PCDHGB7: variants seen among roughly 807,000 people sequenced by gnomAD.
PCDHGB7 encodes protocadherin gamma-B7.
In PCDHGB7, 37 loss-of-function variants were observed where a neutral mutation model predicts 61.4. That is an observed-to-expected ratio of 0.60 (90% CI 0.46 to 0.79). PCDHGB7 has a LOEUF of 0.79. Among genes scored for constraint, PCDHGB7 ranks in the 30% least tolerant of loss-of-function variants. The probability of loss-of-function intolerance (pLI) is 0.00; values close to 1 mark genes in which losing one functional copy is unlikely to be tolerated. For missense variants in PCDHGB7, 1,166 were observed against 1,202.5 expected (o/e 0.97, Z 0.45); for synonymous variants, 464 against 503.5 (o/e 0.92, Z 1.05).
In PCDHGB7 at chr5:141,511,161, G is replaced by A; in HGVS notation, c.2778G>A (p.Lys926=). 1 of 1,614,176 alleles carries A rather than the reference G, an allele frequency of 6.2e-7. No individual in the cohort carries two copies. The highest frequency in any genetic ancestry group is 8.5e-7 in the Non-Finnish European group (1 of 1,180,010). ...GNGNKKKSGK[K]EKK ...GCAACAAGAAGAAGTCGGGCAAGAA[G>A]GAGAAGAAGTAACATGGAGGCCAGG... Residue 926 remains lysine, a synonymous_variant, in exon 4 of 4, where the codon AAG becomes AAA. Transcript: ENST00000398594.
At position 141,490,646 on chromosome 5, in the gene PCDHGB7, C is replaced by G. The variant is rs202183643; in HGVS notation, c.2416-4161C>G. The G allele has an allele frequency of 8.7e-6, 14 of 1,614,068 alleles. No homozygotes were observed. In the African/African-American group the frequency reaches 1.7e-4, roughly 20 times the overall value. ...GCTTACATCCTAGAAAACCGGCCTC[C>G]GGGCTCCCTTCTTTGCACTGTGGCT... On this transcript the variant is annotated intron_variant, in intron 1 of 3. Coordinates refer to ENST00000398594, the MANE Select transcript of PCDHGB7 (RefSeq NM_018927.4). This position sits in a 1 kb window ranked among gnomAD's most constrained non-coding sequence, Gnocchi z 5.4.
At position 141,467,151 on chromosome 5, in the gene PCDHGB7, C is replaced by T. The variant is rs527879624; in HGVS notation, c.2416-27656C>T. ...CACTGCAACCTCTGCCTCCCAGGTT[C>T]AAGTGATTCTCATCTCTCAGCCTCC... is the stretch of plus-strand genomic sequence containing the variant. On this transcript the variant is annotated intron_variant, in intron 1 of 3. Transcript: ENST00000398594. Among the ~76,000 whole-genome samples the T allele has an allele frequency of 4.0e-5, 6 of 151,660 alleles. No homozygotes were observed. In the East Asian group the frequency reaches 7.8e-4, roughly 20 times the overall value.
intron 1 of PCDHGB7, among the ~76,000 whole-genome samples, chr5:141,443,690 A>C (rs2098399415): frequency 6.6e-6 from 1 of 152,224 alleles, no homozygotes; most frequent in Non-Finnish European, 1.5e-5. Flanking sequence ...AACACTTCAA[A>C]AATTATAGAA....
At chr5:141,510,589 A>G (rs1043188276) in intron 3 of PCDHGB7, among the ~76,000 whole-genome samples, 2 of 152,194 alleles carry the variant, frequency 1.3e-5, no homozygotes, top group African/African-American at 2.4e-5. Context: ...CGTACCTGAC[A>G]TACATTTTCT....
rs561824381 is a variant in PCDHGB7 at position 141,449,084 on chromosome 5, C to T, written c.2415+28810C>T. Among the ~76,000 whole-genome samples, 8 of 152,250 alleles carry T rather than the reference C, an allele frequency of 5.3e-5. No individual in the cohort carries two copies. In the East Asian group the frequency reaches 1.4e-3, roughly 26 times the overall value. The stretch of plus-strand genomic sequence containing the variant: ...CTATTGAATAGCCCTGTACCTACAT[C>T]AGTTTTTACATATGCAGTATATCTT... On this transcript the variant is annotated intron_variant, in intron 1 of 3. Transcript: ENST00000398594.
Position 141,441,798 on chromosome 5 carries a change from CGGGT to C in PCDHGB7, c.2415+21526_2415+21529del, listed in dbSNP as rs1242635625. 6.4e-4 allele frequency: 248 copies of C among 387,326 alleles called. 2 individuals are homozygous for C. The highest frequency in any genetic ancestry group is 4.8e-3 in the African/African-American group (220 of 46,120). 24.0% of individuals were successfully genotyped at this position (387,326 alleles called of 1,614,324 possible). A position where few individuals can be genotyped will look rare whatever the true frequency, so the allele number is the denominator to read the frequency against. ...GGACGACCTGAATGACAACGCACCG[CGGGT>C]GCTGTACCCCAGCTCTGGAGCGCAA... On this transcript the variant is annotated intron_variant, in intron 1 of 3. Transcript: ENST00000398594.
chr5:141,495,465 G>A (rs563411010), intron 2 of PCDHGB7, among the ~76,000 whole-genome samples: 3 of 152,182 alleles, frequency 2.0e-5, no homozygotes, highest in Non-Finnish European at 2.9e-5. Context: ...TGTCTGTGGG[G>A]TCTCCGTGTC....
chr5:141,476,864 C>T lies in PCDHGB7; in HGVS notation c.2416-17943C>T, dbSNP rs1318457627. ...GCCTGTCTTCAACCAGTCCTTGTAC[C>T]GGGCGCGCGTCCTGGAGGATGCACC... is the stretch of plus-strand genomic sequence containing the variant. On this transcript the variant is annotated intron_variant, in intron 1 of 3. Coordinates refer to ENST00000398594, the MANE Select transcript of PCDHGB7 (RefSeq NM_018927.4). This position sits in a 1 kb window ranked among gnomAD's most constrained non-coding sequence, Gnocchi z 7.6. 4.3e-6 allele frequency: 7 copies of T among 1,613,838 alleles called. No homozygotes were observed. Among genetic ancestry groups the T allele is most frequent in the Non-Finnish European group, 5.9e-6 (7 of 1,180,044 alleles).
At position 141,511,916 on chromosome 5, in the gene PCDHGB7, C is replaced by T. The variant is rs2099884006; in HGVS notation, c.*743C>T. ...CCACCTCCTCCTCAAACAAGAGACT[C>T]CACTGCATGTTCCAAGACAGTATGG... On this transcript the variant is annotated 3_prime_UTR_variant, in exon 4 of 4. Coordinates refer to ENST00000398594, the MANE Select transcript of PCDHGB7 (RefSeq NM_018927.4). The T allele has an allele frequency of 6.4e-6, 1 of 156,466 alleles. No individual in the cohort carries two copies. The highest frequency in any genetic ancestry group is 2.4e-5 in the African/African-American group (1 of 41,474). The allele number at this position is 156,466 out of a possible 1,614,324, so 9.7% of individuals were successfully genotyped here.
At chr5:141,464,408 T>C (rs2154568477) in intron 1 of PCDHGB7, among the ~76,000 whole-genome samples, 1 of 151,718 alleles carries the variant, frequency 6.6e-6, no homozygotes, top group African/African-American at 2.4e-5. Flanking sequence ...CTGAGATATA[T>C]ATATATCTAT....
chr5:141,509,699 C>T (rs779592471), intron 3 of PCDHGB7, among the ~76,000 whole-genome samples: 4 of 152,168 alleles, frequency 2.6e-5, no homozygotes, highest in Non-Finnish European at 5.9e-5. Flanking sequence ...GGACGTTGGA[C>T]TGGAGGTGCT....
At chr5:141,504,502 G>A (rs2099838821) in intron 2 of PCDHGB7, among the ~76,000 whole-genome samples, 1 of 152,128 alleles carries the variant, frequency 6.6e-6, no homozygotes, top group Non-Finnish European at 1.5e-5. Context: ...CCCAGTCTGA[G>A]TGGATCTCCT....
Position 141,489,902 on chromosome 5 carries a change from C to A in PCDHGB7, c.2416-4905C>A. ...ACTGCTGTGGATGGGGGGACCCCAGCCCGCTCAGGGACCACCCTTATCTCT... is the reference window on the plus strand; with the variant it reads ...ACTGCTGTGGATGGGGGGACCCCAGACCGCTCAGGGACCACCCTTATCTCT... On this transcript the variant is annotated intron_variant, in intron 1 of 3. Transcript: ENST00000398594. The surrounding 1 kb of genome is among the most constrained non-coding windows in gnomAD (Gnocchi z 4.5). 1 of 1,614,218 alleles carries A rather than the reference C, an allele frequency of 6.2e-7. No individual in the cohort carries two copies. The highest frequency in any genetic ancestry group is 8.5e-7 in the Non-Finnish European group (1 of 1,180,032).
intron 1 of PCDHGB7, chr5:141,478,305 C>T (rs775282798): frequency 2.5e-6 from 4 of 1,614,092 alleles, no homozygotes; most frequent in East Asian, 2.2e-5. Flanking sequence ...TACCGAGCCC[C>T]GGTGAGCTCA....
In PCDHGB7 at chr5:141,462,383, G is replaced by A. The variant is rs78537075; in HGVS notation, c.2416-32424G>A. Among the ~76,000 whole-genome samples the A allele has an allele frequency of 5.6e-4, 85 of 151,920 alleles. 1 individual carries two copies. In the East Asian group the frequency reaches 0.016, roughly 29 times the overall value. ...GTATAGTTTCTATTCTTTTAAATTC[G>A]TTAACATTTCTTTTATGGCACAGAA... On this transcript the variant is annotated intron_variant, in intron 1 of 3. Transcript: ENST00000398594.
intron 1 of PCDHGB7, among the ~76,000 whole-genome samples, chr5:141,438,296 A>G (rs902991313): frequency 6.6e-6 from 1 of 152,034 alleles, no homozygotes; most frequent in Non-Finnish European, 1.5e-5. Context: ...CTGTATGTAA[A>G]AGAAGTTGGT....
intron 1 of PCDHGB7, among the ~76,000 whole-genome samples, chr5:141,448,869 T>C (rs1375609555): frequency 6.6e-6 from 1 of 151,930 alleles, no homozygotes; most frequent in Non-Finnish European, 1.5e-5. Flanking sequence ...GGCGTGAACC[T>C]GGGAGGCGGA....
chr5:141,445,446 G>T (rs2098467238), intron 1 of PCDHGB7, among the ~76,000 whole-genome samples: 1 of 152,264 alleles, frequency 6.6e-6, no homozygotes, highest in Admixed American at 6.5e-5. Flanking sequence ...ATGGACTAAG[G>T]ATGCAGCAAT....
chr5:141,477,219 G>A lies in PCDHGB7; in HGVS notation c.2416-17588G>A. ...CCAGTACCCGAGGATGCCCCTCTGG[G>A]GACTGTCATCGCTTTGCTCAGTGTG... On this transcript the variant is annotated intron_variant, in intron 1 of 3. Coordinates refer to ENST00000398594, the MANE Select transcript of PCDHGB7 (RefSeq NM_018927.4). The surrounding 1 kb of genome is among the most constrained non-coding windows in gnomAD (Gnocchi z 4.9). 1 of 1,614,162 alleles carries A rather than the reference G, an allele frequency of 6.2e-7. No homozygotes were observed. The highest frequency in any genetic ancestry group is 8.5e-7 in the Non-Finnish European group (1 of 1,180,038).
Sources: gnomAD v4.1 joint callset for allele counts (sites outside exome capture counted in the v4.1 genomes callset) on GRCh38, gnomAD v4.1.1 for gene constraint, Gnocchi (gnomAD v3.1) non-coding constraint, MANE v1.5 for transcripts, NCBI Gene and HGNC (gene_info 2026-07-23, HGNC 2026-07-21) for gene names.